The following ZNRF3 variants were observed in gnomAD, a reference collection of about 807,000 sequenced individuals.
The protein encoded by ZNRF3 is zinc and ring finger 3, also known as E3 ubiquitin-protein ligase ZNRF3.
Under a neutral mutation model 72.5 loss-of-function variants are expected in ZNRF3, and 23 were observed. That is an observed-to-expected ratio of 0.32 (90% CI 0.23 to 0.45). The LOEUF is 0.45. Ranked by LOEUF, ZNRF3 falls within the 20% of genes least tolerant of loss-of-function variation. The probability of loss-of-function intolerance (pLI) is 1.00; values close to 1 mark genes in which losing one functional copy is unlikely to be tolerated. For synonymous variants in ZNRF3, 610 were observed against 545.3 expected, an observed-to-expected ratio of 1.12 and a Z score of -1.65; for missense variants, 1,169 against 1,272.1, an observed-to-expected ratio of 0.92 and a Z score of 1.23.
At chr22:28,953,640 A>G (rs2035205209) in intron 1 of ZNRF3, among the ~76,000 whole-genome samples, 1 of 152,242 alleles carries the variant, frequency 6.6e-6, no homozygotes, top group Admixed American at 6.5e-5. Context: ...ACATGCCATC[A>G]ACGACCAAGG....
intron 2 of ZNRF3, among the ~76,000 whole-genome samples, chr22:29,005,789 T>C (rs2036231183): frequency 6.6e-6 from 1 of 152,108 alleles, no homozygotes; most frequent in South Asian, 2.1e-4. Context: ...AAAAGGTGAC[T>C]GTCAGGCCAG....
intron 1 of ZNRF3, among the ~76,000 whole-genome samples, chr22:28,944,801 C>T (rs905436847): frequency 6.6e-6 from 1 of 151,042 alleles, no homozygotes; most frequent in Non-Finnish European, 1.5e-5. Flanking sequence ...TGGCACACAC[C>T]TGTAGTCCCA....
chr22:29,031,769 G>A (rs1489941656), intron 2 of ZNRF3: 1 of 273,054 alleles, frequency 3.7e-6, no homozygotes, highest in Non-Finnish European at 5.6e-6. Flanking sequence ...CCTAGGACCG[G>A]CTGGGTGCTC....
intron 1 of ZNRF3, among the ~76,000 whole-genome samples, chr22:28,889,300 C>T (rs1032418914): frequency 4.6e-5 from 7 of 152,142 alleles, no homozygotes; most frequent in African/African-American, 1.7e-4. Context: ...CAAGTGTATG[C>T]GTATTCTTGT....
rs916097639 is a variant in ZNRF3, at chr22:28,991,761, C to T, written c.426+4560C>T. ...CCTGAAATTGAACAGCTTACAAGAG[C>T]CAAGATCTGAAATAAGACCCTTCTG... On this transcript the variant is annotated intron_variant, in intron 2 of 8. Coordinates refer to ENST00000544604, the MANE Select transcript of ZNRF3 (RefSeq NM_001206998.2). Among the ~76,000 whole-genome samples the T allele has an allele frequency of 2.0e-5, 3 of 152,074 alleles. No homozygotes were observed. The East Asian group carries it at 5.8e-4, about 29-fold the overall frequency.
intron 1 of ZNRF3, among the ~76,000 whole-genome samples, chr22:28,890,047 T>G (rs1313247247): frequency 1.3e-5 from 2 of 152,204 alleles, no homozygotes; most frequent in African/African-American, 2.4e-5. Context: ...TATGGATTAT[T>G]TATGCTTTAA....
intron 2 of ZNRF3, among the ~76,000 whole-genome samples, chr22:29,012,618 A>T (rs1440626309): frequency 6.6e-6 from 1 of 152,244 alleles, no homozygotes; most frequent in Non-Finnish European, 1.5e-5. Context: ...ACCTTTCAGC[A>T]TCCTTTACAC....
intron 1 of ZNRF3, among the ~76,000 whole-genome samples, chr22:28,932,184 G>T (rs2034719290): frequency 6.6e-6 from 1 of 152,240 alleles, no homozygotes; most frequent in Non-Finnish European, 1.5e-5. Context: ...GATTGAAGAA[G>T]AGGTCTGTGT....
chr22:29,012,460 G>A (rs978378390), intron 2 of ZNRF3, among the ~76,000 whole-genome samples: 6 of 152,196 alleles, frequency 3.9e-5, no homozygotes, highest in African/African-American at 9.7e-5. Context: ...CAAGGTCTTC[G>A]AACTGATGAT....
chr22:28,940,496 C>CTTTTTTTTT, intron 1 of ZNRF3, among the ~76,000 whole-genome samples: 1 of 138,240 alleles, frequency 7.2e-6, no homozygotes, highest in Non-Finnish European at 1.5e-5. Flanking sequence ...TAGGTTTCTG[C>CTTTTTTTTT]TTTTTTTTTT....
intron 2 of ZNRF3, among the ~76,000 whole-genome samples, chr22:29,007,886 A>G (rs887767736): frequency 1.3e-5 from 2 of 150,276 alleles, no homozygotes; most frequent in African/African-American, 4.9e-5. Context: ...CCTCCCAAGT[A>G]GCTAGGATTA....
In ZNRF3 at chr22:29,046,950, C is replaced by G. The variant is rs1007098615; in HGVS notation, c.912+67C>G. ...GGCAGGTCAGCAGAGGTGCCCAAGA[C>G]CTAGAAGGACAGGGCCCTGTGTTCC... On this transcript the variant is annotated intron_variant, in intron 6 of 8. Transcript: ENST00000544604. The G allele has an allele frequency of 1.2e-5, 16 of 1,384,428 alleles. No individual in the cohort carries two copies. The Admixed American group carries it at 1.6e-4, about 13-fold the overall frequency. The allele number at this position is 1,384,428 out of a possible 1,614,324, so 85.8% of individuals were successfully genotyped here.
intron 1 of ZNRF3, among the ~76,000 whole-genome samples, chr22:28,961,905 A>G (rs1174330549): frequency 2.6e-5 from 4 of 152,314 alleles, no homozygotes; most frequent in African/African-American, 9.6e-5. Context: ...GCTATTAAAA[A>G]CTAAATCTTT....
chr22:29,005,395 G>A (rs574186220), intron 2 of ZNRF3, among the ~76,000 whole-genome samples: 5 of 152,268 alleles, frequency 3.3e-5, no homozygotes, highest in South Asian at 2.1e-4. Context: ...ATTGGTGAGA[G>A]AGTGTTAACT....
intron 2 of ZNRF3, chr22:28,993,019 A>T (rs556012270): frequency 6.6e-6 from 1 of 152,370 alleles, no homozygotes; most frequent in South Asian, 2.1e-4. Context: ...TTCAAGGAGC[A>T]TTGAAAGTTG....
chr22:28,980,193 A>C (rs548471526), intron 1 of ZNRF3, among the ~76,000 whole-genome samples: 1 of 150,536 alleles, frequency 6.6e-6, no homozygotes, highest in Non-Finnish European at 1.5e-5. Context: ...AGAGTGTGGA[A>C]GTACAGGCAT....
intron 1 of ZNRF3, among the ~76,000 whole-genome samples, chr22:28,937,748 CA>C (rs2034867299): frequency 6.6e-6 from 1 of 152,192 alleles, no homozygotes; most frequent in Non-Finnish European, 1.5e-5. Context: ...TCAGTCTTAC[CA>C]CTCGGGAGAG....
intron 1 of ZNRF3, among the ~76,000 whole-genome samples, chr22:28,958,555 ACT>A (rs1333615013): frequency 6.6e-6 from 1 of 151,790 alleles, no homozygotes; most frequent in Admixed American, 6.6e-5. Flanking sequence ...GGCAGTAATC[ACT>A]CTCCTGCCCA....
chr22:28,907,270 G>A (rs2123757822), intron 1 of ZNRF3, among the ~76,000 whole-genome samples: 1 of 152,006 alleles, frequency 6.6e-6, no homozygotes, highest in Non-Finnish European at 1.5e-5. Context: ...TAGGATTACA[G>A]GCATGAGCCA....
Sources: allele counts gnomAD v4.1 joint callset (sites outside exome capture counted in the v4.1 genomes callset), GRCh38; gene constraint gnomAD v4.1.1; transcripts MANE v1.5; gene names NCBI Gene and HGNC (gene_info 2026-07-23, HGNC 2026-07-21).